ADAMTSL3: variants seen among roughly 807,000 people sequenced by gnomAD.
ADAMTSL3 encodes ADAMTS like 3.
Under a neutral mutation model 201.7 loss-of-function variants are expected in ADAMTSL3, and 128 were observed. That is an observed-to-expected ratio of 0.63 (90% CI 0.55 to 0.73). The LOEUF (loss-of-function observed/expected upper bound fraction) is 0.73, where lower values mean the gene tolerates loss of function less well. Ranked by LOEUF, ADAMTSL3 falls within the 30% of genes least tolerant of loss-of-function variation. ADAMTSL3 has a pLI of 0.00. For synonymous variants in ADAMTSL3, 738 were observed against 748.4 expected (o/e 0.99, Z 0.23); for missense variants, 1,990 against 2,119.6 (o/e 0.94, Z 1.20).
At chr15:83,805,867 G>A (rs2063594850) in intron 5 of ADAMTSL3, among the ~76,000 whole-genome samples, 1 of 152,136 alleles carries the variant, frequency 6.6e-6, no homozygotes, top group African/African-American at 2.4e-5. Context: ...TCCCCTGTAA[G>A]GTAAGCAGGG....
At chr15:83,793,030 G>A (rs1045546191) in intron 4 of ADAMTSL3, among the ~76,000 whole-genome samples, 1 of 152,210 alleles carries the variant, frequency 6.6e-6, no homozygotes, top group Non-Finnish European at 1.5e-5. Context: ...CCTATTATTT[G>A]TGACAATGTG....
At chr15:83,828,650 A>G (rs1455441258) in intron 6 of ADAMTSL3, among the ~76,000 whole-genome samples, 3 of 152,132 alleles carry the variant, frequency 2.0e-5, no homozygotes, top group Admixed American at 6.5e-5. Context: ...TCAGTATGAT[A>G]TTGGCTGTGG....
At chr15:83,831,953 T>C (rs2064165380) in intron 6 of ADAMTSL3, among the ~76,000 whole-genome samples, 1 of 152,020 alleles carries the variant, frequency 6.6e-6, no homozygotes, top group Non-Finnish European at 1.5e-5. Flanking sequence ...GAGGTAGAAA[T>C]ATACAATGAA....
intron 17 of ADAMTSL3, among the ~76,000 whole-genome samples, chr15:83,927,415 A>G (rs1045744947): frequency 1.3e-5 from 2 of 152,116 alleles, no homozygotes; most frequent in Non-Finnish European, 2.9e-5. Flanking sequence ...CACCTGGCCC[A>G]TGAATCCTTT....
chr15:83,678,430 C>G (rs1223331495), intron 2 of ADAMTSL3, among the ~76,000 whole-genome samples: 1 of 143,968 alleles, frequency 6.9e-6, no homozygotes, highest in Non-Finnish European at 1.5e-5. Flanking sequence ...GTTCCCCTCT[C>G]TTTTTTAGCA....
At chr15:83,979,084 A>T (rs534126101) in intron 20 of ADAMTSL3, among the ~76,000 whole-genome samples, 2 of 152,358 alleles carry the variant, frequency 1.3e-5, no homozygotes, top group South Asian at 4.1e-4. Context: ...TGTGGGTTTC[A>T]TGTTAGAATC....
At chr15:83,705,923 T>C (rs1458121328) in intron 3 of ADAMTSL3, among the ~76,000 whole-genome samples, 6 of 152,072 alleles carry the variant, frequency 3.9e-5, no homozygotes, top group Non-Finnish European at 7.4e-5. Flanking sequence ...TAAAAGTGAG[T>C]GAGTGCATTA....
intron 2 of ADAMTSL3, among the ~76,000 whole-genome samples, chr15:83,675,768 T>G (rs2061396255): frequency 6.6e-6 from 1 of 152,118 alleles, no homozygotes; most frequent in Non-Finnish European, 1.5e-5. Flanking sequence ...CTCAATTTCC[T>G]TAACAGTTAT....
At chr15:83,850,392 A>G (rs893141251) in intron 7 of ADAMTSL3, among the ~76,000 whole-genome samples, 4 of 151,898 alleles carry the variant, frequency 2.6e-5, no homozygotes, top group African/African-American at 9.7e-5. Context: ...ATAATTTTAA[A>G]AATGTCTATG....
chr15:83,819,838 A>G lies in ADAMTSL3; in HGVS notation c.391A>G (p.Arg131Gly). Residue 131 changes from arginine to glycine, a missense_variant, in exon 6 of 30, where the codon AGA becomes GGA. Transcript: ENST00000286744. ...CTGCCCTCCAGATGCAGAAGATTTC[A>G]GAGCCCAGCAGTGCTCAGCCTACAA... ...HDCPPDAEDF[R>G]AQQCSAYNDV... The G allele has an allele frequency of 3.1e-6, 5 of 1,613,978 alleles. No homozygotes were observed. The highest frequency in any genetic ancestry group is 4.2e-6 in the Non-Finnish European group (5 of 1,180,022).
At chr15:84,005,936 C>A (rs2067886537) in intron 23 of ADAMTSL3, among the ~76,000 whole-genome samples, 1 of 152,186 alleles carries the variant, frequency 6.6e-6, no homozygotes, top group Non-Finnish European at 1.5e-5. Context: ...CCAGAGCCCT[C>A]TATTTGGAGA....
intron 20 of ADAMTSL3, among the ~76,000 whole-genome samples, chr15:83,972,312 A>G (rs1169993656): frequency 6.6e-6 from 1 of 152,174 alleles, no homozygotes; most frequent in Non-Finnish European, 1.5e-5. Context: ...CTTGAGTCCA[A>G]AAACTTGAGA....
chr15:83,733,102 G>A (rs1335551314), intron 3 of ADAMTSL3, among the ~76,000 whole-genome samples: 1 of 152,116 alleles, frequency 6.6e-6, no homozygotes, highest in Non-Finnish European at 1.5e-5. Context: ...TACCGTCTGG[G>A]TGTAATCACA....
chr15:83,981,216 T>C (rs934529405), intron 20 of ADAMTSL3, among the ~76,000 whole-genome samples: 6 of 152,300 alleles, frequency 3.9e-5, no homozygotes, highest in Admixed American at 6.5e-5. Flanking sequence ...CCAGAACACA[T>C]TGAGCCTTCT....
intron 3 of ADAMTSL3, among the ~76,000 whole-genome samples, chr15:83,725,409 C>T (rs1402548518): frequency 6.6e-6 from 1 of 152,100 alleles, no homozygotes; most frequent in Non-Finnish European, 1.5e-5. Flanking sequence ...GATGTGATCC[C>T]ACTTGTCTTC....
chr15:83,959,589 A>G (rs2066923488), intron 19 of ADAMTSL3, among the ~76,000 whole-genome samples: 1 of 152,252 alleles, frequency 6.6e-6, no homozygotes, highest in Admixed American at 6.5e-5. Context: ...AGTGTGAGCC[A>G]AAGATTTTAT....
chr15:83,795,871 G>A lies in ADAMTSL3; in HGVS notation c.318-8779G>A, dbSNP rs1280224678. Among the ~76,000 whole-genome samples the A allele has an allele frequency of 2.6e-5, 4 of 152,046 alleles. No homozygotes were observed. In the East Asian group the frequency reaches 7.7e-4, roughly 29 times the overall value. ...GCTGCATAGGATTCCTGTCGATAGA[G>A]CCCTGCTAATGACAAACTTGCAATC... is the stretch of plus-strand genomic sequence containing the variant. On this transcript the variant is annotated intron_variant, in intron 4 of 29. Coordinates refer to ENST00000286744, the MANE Select transcript of ADAMTSL3 (RefSeq NM_207517.3).
chr15:83,779,697 C>CAAAAAAAAAAAAAAA (rs199855902), intron 4 of ADAMTSL3, among the ~76,000 whole-genome samples: 1 of 72,096 alleles, frequency 1.4e-5, no homozygotes, highest in Non-Finnish European at 2.7e-5. Context: ...GACTCCATCT[C>CAAAAAAAAAAAAAAA]AAAAAAAAAA....
At chr15:84,014,822 A>ACAT (rs2068062726) in intron 24 of ADAMTSL3, 98 bp downstream of exon 24, 1 of 1,234,264 alleles carries the variant, frequency 8.1e-7, no homozygotes, top group African/African-American at 1.5e-5. Flanking sequence ...AACGAGATGG[A>ACAT]CATCAGATGG....
Sources: allele counts gnomAD v4.1 joint callset (sites outside exome capture counted in the v4.1 genomes callset), GRCh38; gene constraint gnomAD v4.1.1; transcripts MANE v1.5; gene names NCBI Gene and HGNC (gene_info 2026-07-23, HGNC 2026-07-21).